DNHD1: variants seen among roughly 807,000 people sequenced by gnomAD.
DNHD1 encodes the protein dynein heavy chain domain 1.
DNHD1 carries 383 observed loss-of-function variants against 458.1 expected under a neutral mutation model. The ratio of observed to expected loss-of-function variants is 0.84; its 90% confidence interval spans 0.77 to 0.91. The LOEUF (loss-of-function observed/expected upper bound fraction) is 0.91. Among genes scored for constraint, DNHD1 ranks in the 40% least tolerant of loss-of-function variants. The probability of loss-of-function intolerance (pLI) is 0.00; values close to 1 mark genes in which losing one functional copy is unlikely to be tolerated. For synonymous variants in DNHD1, 2,203 were observed against 2,376.9 expected (o/e 0.93, Z 2.13); for missense variants, 5,336 against 5,866.1 (o/e 0.91, Z 2.95).
In DNHD1 at chr11:6,505,122, C is replaced by T. The variant is rs1300142645; in HGVS notation, c.920+2196C>T. Among the ~76,000 whole-genome samples, 2 of 152,142 alleles carry T rather than the reference C, an allele frequency of 1.3e-5. No individual in the cohort carries two copies. The highest frequency in any genetic ancestry group is 2.9e-5 in the Non-Finnish European group (2 of 68,030). ...CTGGGATTACAGACGTGAGCCATTG[C>T]ACCCGGCCCCATTCAGAGTTCTGAG... On this transcript the variant is annotated intron_variant, in intron 4 of 42. Coordinates refer to ENST00000254579, the MANE Select transcript of DNHD1 (RefSeq NM_144666.3). This position sits in a 1 kb window ranked among gnomAD's most constrained non-coding sequence, Gnocchi z 4.4.
chr11:6,514,634 A>G (rs1012475725), intron 7 of DNHD1, among the ~76,000 whole-genome samples: 2 of 151,794 alleles, frequency 1.3e-5, no homozygotes, highest in Non-Finnish European at 2.9e-5. Flanking sequence ...TAGAATTGTA[A>G]AGATAGTAAG....
Position 6,520,269 on chromosome 11 carries a change from C to G in DNHD1, c.1817C>G (p.Ser606Trp), listed in dbSNP as rs1427294672. The G allele has an allele frequency of 6.4e-7, 1 of 1,552,202 alleles. No homozygotes were observed. The highest frequency in any genetic ancestry group is 8.7e-7 in the Non-Finnish European group (1 of 1,147,186). Residue 606 changes from serine (S) to tryptophan (W), a missense_variant, in exon 10 of 43, where the codon TCG becomes TGG. By Grantham distance (177) the Ser-to-Trp change is radical (BLOSUM62 -3). Coordinates refer to ENST00000254579, the MANE Select transcript of DNHD1 (RefSeq NM_144666.3). ...VVQSADLKTS[S>W]DSLYSEEEDE... ...CAGTCTGCAGACCTGAAGACCTCCT[C>G]GGATTCCCTGTATTCTGAAGGTATT...
intron 10 of DNHD1, 92 bp from the exon 11 acceptor site, chr11:6,528,430 T>C: frequency 7.4e-7 from 1 of 1,344,524 alleles, no homozygotes; most frequent in Non-Finnish European, 1.0e-6. Context: ...TGTGTGTGTG[T>C]GTGTGTACAC....
Position 6,556,795 on chromosome 11 carries a change from C to G in DNHD1, c.7500C>G (p.Phe2500Leu), listed in dbSNP as rs1853471362. The G allele has an allele frequency of 6.4e-7, 1 of 1,551,640 alleles. No homozygotes were observed. The highest frequency in any genetic ancestry group is 8.7e-7 in the Non-Finnish European group (1 of 1,146,928). Reference sequence around the variant, plus strand: ...AGACGCTGCAGCCTACAGTCAACTTCCTTGCCACTGTCACAGTGCCAGGAT... The same window carrying G: ...AGACGCTGCAGCCTACAGTCAACTTGCTTGCCACTGTCACAGTGCCAGGAT... ...ELQTLQPTVNFLATVTVPGYC... is the reference protein window; with the variant it reads ...ELQTLQPTVNLLATVTVPGYC... Residue 2500 changes from phenylalanine to leucine, a missense_variant, in exon 25 of 43, where the codon TTC (phenylalanine) becomes TTG (leucine). By Grantham distance (22) the Phe-to-Leu change is conservative. Coordinates refer to ENST00000254579, the MANE Select transcript of DNHD1 (RefSeq NM_144666.3).
Position 6,545,083 on chromosome 11 carries a change from C to T in DNHD1, c.4144C>T (p.Leu1382=), listed in dbSNP as rs889959955. Residue 1382 remains leucine (L), a synonymous_variant, in exon 21 of 43, where the codon CTA becomes TTA. Coordinates refer to ENST00000254579, the MANE Select transcript of DNHD1 (RefSeq NM_144666.3). This position sits in a 1 kb window ranked among gnomAD's most constrained non-coding sequence, Gnocchi z 4.9. The part of the protein sequence containing the change: ...AARLESCEAQ[L]WVRRCFPHVH... ...TCGACTGGAATCATGCGAAGCCCAG[C>T]TATGGGTACGACGCTGCTTTCCTCA... 1.9e-6 allele frequency: 3 copies of T among 1,551,988 alleles called. No individual in the cohort carries two copies. Among genetic ancestry groups the T allele is most frequent in the African/African-American group, 1.4e-5 (1 of 73,170 alleles).
At chr11:6,499,752 G>A (rs1355882059) in intron 3 of DNHD1, among the ~76,000 whole-genome samples, 1 of 151,864 alleles carries the variant, frequency 6.6e-6, no homozygotes, top group Non-Finnish European at 1.5e-5. Flanking sequence ...ATTTTTAGTA[G>A]AGACGGAGTT....
In DNHD1 at chr11:6,567,620, C is replaced by A. The variant is rs749035715; in HGVS notation, c.12111C>A (p.Leu4037=). ...APGPGPEPLS[L]LQKLILWRVL... ...GGCCAGGGCCTGAGCCACTCAGCCT[C>A]CTCCAGAAGCTGATCCTGTGGCGCG... The change falls in exon 36 of 43, where the codon CTC becomes CTA. Residue 4037 remains leucine (L), a synonymous_variant. Transcript: ENST00000254579. 6.2e-7 allele frequency: 1 copy of A among 1,613,888 alleles called. No individual in the cohort carries two copies. Among genetic ancestry groups the A allele is most frequent in the Admixed American group, 1.7e-5 (1 of 60,010 alleles).
At chr11:6,544,014 G>A in intron 18 of DNHD1, 107 bp from the exon 19 acceptor site, 1 of 933,448 alleles carries the variant, frequency 1.1e-6, no homozygotes, top group Non-Finnish European at 1.6e-6. Flanking sequence ...AAGGGCATCA[G>A]GGTCTCTGTA....
In DNHD1 at chr11:6,570,741, G is replaced by A. The variant is rs768300713; in HGVS notation, c.13229G>A (p.Ser4410Asn). ...CAAGCCTGGCTGTTGCGACGCCAGA[G>A]TCGCGCTCTCTTGAGTGCGCTGCAG... Reference protein sequence around the residue: ...GPQAWLLRRQSRALLSALQRS... With the variant: ...GPQAWLLRRQNRALLSALQRS... The change falls in exon 42 of 43, where the codon AGT becomes AAT. Residue 4410 changes from serine (S) to asparagine (N), a missense_variant. Physicochemically the swap from Ser to Asn is conservative, Grantham distance 46. Transcript: ENST00000254579. The A allele has an allele frequency of 3.1e-6, 5 of 1,611,478 alleles. No individual in the cohort carries two copies. In the African/African-American group the frequency reaches 5.3e-5, roughly 17 times the overall value.
At position 6,545,582 on chromosome 11, in the gene DNHD1, A is replaced by G; in HGVS notation, c.4643A>G (p.Asn1548Ser). 6.4e-7 allele frequency: 1 copy of G among 1,551,948 alleles called. No individual in the cohort carries two copies. ...ATGCGCAAGCTTGAGGTACTGGTGA[A>G]TTTTATGCGGGCCCAGAGGGCTTCC... ...MHMRKLEVLV[N>S]FMRAQRASQG... The change falls in exon 21 of 43, where the codon AAT (asparagine) becomes AGT (serine). Residue 1548 changes from asparagine to serine, a missense_variant. Physicochemically the swap from Asn to Ser is conservative, Grantham distance 46 (BLOSUM62 1). Coordinates refer to ENST00000254579, the MANE Select transcript of DNHD1 (RefSeq NM_144666.3). This position sits in a 1 kb window ranked among gnomAD's most constrained non-coding sequence, Gnocchi z 4.9.
Position 6,568,242 on chromosome 11 carries a change from G to C in DNHD1, c.12538G>C (p.Val4180Leu), listed in dbSNP as rs1033991203. Residue 4180 changes from valine to leucine, a missense_variant and splice_region_variant, in exon 37 of 43, where the codon GTG (valine) becomes CTG (leucine). Val to Leu is a conservative substitution (Grantham distance 32, BLOSUM62 1). Transcript: ENST00000254579. ...GCTGGAACTGTTAGGCAGAGCCAAG[G>C]GTGAGTTTATTGCCTAGATTGGCTT... ...LLLELLGRAK[V>L]VADLESEQLL... The C allele has an allele frequency of 3.9e-6, 6 of 1,547,694 alleles. No homozygotes were observed. The highest frequency in any genetic ancestry group is 3.5e-6 in the Non-Finnish European group (4 of 1,143,934).
In DNHD1 at chr11:6,498,206, C is replaced by T. The variant is rs1564991813; in HGVS notation, c.-10C>T. The T allele has an allele frequency of 6.2e-7, 1 of 1,603,340 alleles. No homozygotes were observed. Among genetic ancestry groups the T allele is most frequent in the Admixed American group, 1.7e-5 (1 of 59,612 alleles). On this transcript the variant is annotated 5_prime_UTR_variant, in exon 3 of 43. Coordinates refer to ENST00000254579, the MANE Select transcript of DNHD1 (RefSeq NM_144666.3). Reference sequence around the variant, plus strand: ...GGTCACTTCGACAGCAGTTGAATGCCCAGCTCCTCATGGTCCCGGAGGAGA... The same window carrying T: ...GGTCACTTCGACAGCAGTTGAATGCTCAGCTCCTCATGGTCCCGGAGGAGA...
At chr11:6,539,375 G>C in intron 17 of DNHD1, 62 bp downstream of exon 17, 2 of 1,250,472 alleles carry the variant, frequency 1.6e-6, no homozygotes, top group Non-Finnish European at 2.3e-6. Flanking sequence ...AATAAAGCCA[G>C]TCAAGGGTGG....
intron 32 of DNHD1, 64 bp from the exon 33 acceptor site, chr11:6,565,631 A>G: frequency 5.5e-6 from 8 of 1,441,514 alleles, no homozygotes; most frequent in Non-Finnish European, 7.4e-6. Context: ...CCTTCAGTGA[A>G]TTCCTCCCCT....
intron 3 of DNHD1, among the ~76,000 whole-genome samples, chr11:6,499,720 A>G (rs1852098398): frequency 6.6e-6 from 1 of 151,912 alleles, no homozygotes; most frequent in African/African-American, 2.4e-5. Flanking sequence ...GGCACGTGCC[A>G]CCATACTCAG....
intron 24 of DNHD1, among the ~76,000 whole-genome samples, chr11:6,551,816 C>G (rs187046878): frequency 2.0e-5 from 3 of 152,130 alleles, no homozygotes; most frequent in African/African-American, 7.2e-5. Flanking sequence ...TGGCATGTAC[C>G]TGTAATCACA....
rs530169772 is a variant in DNHD1 at position 6,567,499 on chromosome 11, C to T, written c.11990C>T (p.Pro3997Leu). 7 of 1,613,606 alleles carry T rather than the reference C, an allele frequency of 4.3e-6. No individual in the cohort carries two copies. Among genetic ancestry groups the T allele is most frequent in the Non-Finnish European group, 5.9e-6 (7 of 1,179,768 alleles). ...WHECEMLELL[P>L]PFVGLCASLA... is the part of the protein sequence containing the mutation. ...GAATGTGAGATGTTAGAGCTGCTGC[C>T]CCCATTTGTTGGCCTGTGTGCCTCC... Residue 3997 changes from proline (P) to leucine (L), a missense_variant, in exon 36 of 43, where the codon CCC (proline) becomes CTC (leucine). By Grantham distance (98) the Pro-to-Leu change is moderately conservative. Around this residue, in one of 4 missense-constraint regions of DNHD1, gnomAD observed 695 missense variants for 804.2 expected, o/e 0.86. Transcript: ENST00000254579.
intron 10 of DNHD1, among the ~76,000 whole-genome samples, chr11:6,527,385 A>T (rs1231043008): frequency 6.6e-6 from 1 of 152,178 alleles, no homozygotes; most frequent in Non-Finnish European, 1.5e-5. Context: ...ATATATTTTT[A>T]AAGTAACGAC....
In DNHD1 at chr11:6,570,354, C is replaced by T. The variant is rs745981371; in HGVS notation, c.13063C>T (p.His4355Tyr). 1.2e-6 allele frequency: 2 copies of T among 1,611,984 alleles called. No individual in the cohort carries two copies. The highest frequency in any genetic ancestry group is 1.7e-6 in the Non-Finnish European group (2 of 1,179,188). The change falls in exon 41 of 43, where the codon CAC becomes TAC. Residue 4355 changes from histidine to tyrosine, a missense_variant. By Grantham distance (83) the His-to-Tyr change is moderately conservative. This residue lies in a region of DNHD1 where 698 missense variants were observed against 664.9 expected (regional missense o/e 1.05). Transcript: ENST00000254579. ...CAGTAGTGGGAGCTGGGTCCAGCCA[C>T]ACACACCTCAGTCTTTGCTGGCCAC... ...SPSSGSWVQP[H>Y]TPQSLLATLM...
Sources: allele counts gnomAD v4.1 joint callset (sites outside exome capture counted in the v4.1 genomes callset), GRCh38; gene constraint gnomAD v4.1.1; regional missense constraint gnomAD v4.1.1; non-coding constraint Gnocchi (gnomAD v3.1); transcripts MANE v1.5; gene names NCBI Gene and HGNC (gene_info 2026-07-23, HGNC 2026-07-21).